KIF7: variants seen among roughly 807,000 people sequenced by gnomAD.
The protein encoded by KIF7 is kinesin family member 7.
In KIF7, 104 loss-of-function variants were observed where a neutral mutation model predicts 135.7. The ratio of observed to expected loss-of-function variants is 0.77; its 90% CI spans 0.65 to 0.90. KIF7 has a LOEUF of 0.90. KIF7 is among the 40% of genes least tolerant of loss of function. The probability of loss-of-function intolerance (pLI) is 0.00; values close to 1 mark genes in which losing one functional copy is unlikely to be tolerated. For missense variants in KIF7, 2,005 were observed against 1,839.1 expected (o/e 1.09, Z -1.65); for synonymous variants, 883 against 809.4 (o/e 1.09, Z -1.54).
intron 2 of KIF7, chr15:89,617,883 G>A (rs1262754272): frequency 2.9e-6 from 1 of 348,814 alleles, no homozygotes; most frequent in Non-Finnish European, 5.3e-6. Flanking sequence ...ATAGAGTCGG[G>A]GTTTCACCAT....
upstream of KIF7, among the ~76,000 whole-genome samples, chr15:89,659,022 A>G: frequency 6.6e-6 from 1 of 152,196 alleles, no homozygotes; most frequent in East Asian, 1.9e-4. Flanking sequence ...AAGGTTAAAA[A>G]CAAACAAAAA....
At chr15:89,639,077 T>G (rs908503159) in intron 11 of KIF7, among the ~76,000 whole-genome samples, 2 of 152,050 alleles carry the variant, frequency 1.3e-5, no homozygotes, top group Non-Finnish European at 2.9e-5. Flanking sequence ...CTGGGAAAAC[T>G]GGCTAGCCAT....
rs368873919 is a variant in KIF7, at chr15:89,645,072, C to T, written c.2132G>A (p.Arg711Gln). 1.3e-5 allele frequency: 21 copies of T among 1,605,274 alleles called. No individual in the cohort carries two copies. Among genetic ancestry groups the T allele is most frequent in the Middle Eastern group, 1.7e-4 (1 of 5,896 alleles). ...CATGCGGATGTTGATAGCCAGCTCC[C>T]GGATCTTCTGCTGGGCCTGGGCCAG... ...WRLAQAQQKI[R>Q]ELAINIRMKE... The change falls in exon 10 of 19, where the codon CGG becomes CAG. Residue 711 changes from arginine (R) to glutamine (Q), a missense_variant. Coordinates refer to ENST00000394412, the MANE Select transcript of KIF7 (RefSeq NM_198525.3).
intron 1 of KIF7, chr15:89,619,835 T>C: frequency 1.2e-6 from 2 of 1,611,170 alleles, no homozygotes; most frequent in Non-Finnish European, 1.7e-6. Context: ...TCCAGCAAGA[T>C]AAGTCAGGTA....
At chr15:89,649,406 C>T (rs908824742) in intron 3 of KIF7, 39 bp from the exon 4 acceptor site, 13 of 1,444,274 alleles carry the variant, frequency 9.0e-6, no homozygotes, top group Admixed American at 5.7e-5. Context: ...GGGCAGGGGC[C>T]GCCAGACTGA....
rs535349227 is a variant in KIF7 at position 89,631,202 on chromosome 15, G to A, written c.3111+293C>T. The A allele has an allele frequency of 6.3e-4, 272 of 434,294 alleles. 6 individuals are homozygous for A. The highest frequency in any genetic ancestry group is 6.0e-3 in the South Asian group (184 of 30,570). 26.9% of individuals were successfully genotyped at this position (434,294 alleles called of 1,614,324 possible). On this transcript the variant is annotated intron_variant, in intron 15 of 18. Coordinates refer to ENST00000394412, the MANE Select transcript of KIF7 (RefSeq NM_198525.3). ...CGCCTGACACTCCACACACGAAGCC[G>A]AGACGTGTGGGCAGGTACTCGAATG...
Position 89,629,505 on chromosome 15 carries a change from C to CT in KIF7, c.3386dup (p.Glu1130GlyfsTer48), listed in dbSNP as rs776505220. The CT allele has an allele frequency of 6.2e-7, 1 of 1,611,490 alleles. No individual in the cohort carries two copies. The highest frequency in any genetic ancestry group is 1.7e-5 in the Admixed American group (1 of 60,030). On this transcript the variant is annotated frameshift_variant, in exon 17 of 19. Coordinates refer to ENST00000394412, the MANE Select transcript of KIF7 (RefSeq NM_198525.3). LOFTEE classifies it high-confidence loss of function. ...GCCAGTACACCAGCCTCTGCTGCTC[C>CT]TCCAGCTGCATCTCCAGTTCCGAGA...
At chr15:89,624,536 G>A, downstream of KIF7, 3 of 1,613,820 alleles carry the variant, frequency 1.9e-6, no homozygotes, top group Non-Finnish European at 2.5e-6. Flanking sequence ...CCTGGGGTTG[G>A]CACAGCTGAC....
intron 3 of KIF7, 108 bp from the exon 4 acceptor site, chr15:89,649,475 GC>G: frequency 1.6e-6 from 2 of 1,288,372 alleles, no homozygotes; most frequent in South Asian, 3.2e-5. Flanking sequence ...CTGACCCACT[GC>G]TCCCTCCCCA....
rs567369526 is a variant in KIF7 at position 89,650,469 on chromosome 15, T to C, written c.329-528A>G. 1.5e-4 allele frequency among the ~76,000 whole-genome samples: 23 copies of C among 152,284 alleles called. No individual in the cohort carries two copies. In the South Asian group the frequency reaches 4.6e-3, roughly 30 times the overall value. On this transcript the variant is annotated intron_variant, in intron 2 of 18. Coordinates refer to ENST00000394412, the MANE Select transcript of KIF7 (RefSeq NM_198525.3). The stretch of plus-strand genomic sequence containing the variant: ...AGGGCAGTGGCGTGATCTCGGCTCA[T>C]TGCAACCTCCACCTTCCGGTTTCAA...
At chr15:89,627,656 A>T (rs1963558700), downstream of KIF7, 1 of 153,714 alleles carries the variant, frequency 6.5e-6, no homozygotes, top group African/African-American at 2.4e-5. Context: ...ACCATGGTCC[A>T]GCTTGAGTGG....
At chr15:89,629,809 C>A (rs1183783560) in intron 16 of KIF7, 3 of 602,910 alleles carry the variant, frequency 5.0e-6, no homozygotes, top group Non-Finnish European at 2.9e-6. Context: ...CCTTTCCTAG[C>A]CACACACTAT....
chr15:89,658,485 C>T (rs918340674), upstream of KIF7, among the ~76,000 whole-genome samples: 4 of 150,734 alleles, frequency 2.7e-5, no homozygotes, highest in African/African-American at 9.8e-5. Flanking sequence ...ACTAAAAATT[C>T]AGTTAGGAAA....
chr15:89,662,305 T>C, the KIF7 span, among the ~76,000 whole-genome samples: 1 of 151,934 alleles, frequency 6.6e-6, no homozygotes, highest in Non-Finnish European at 1.5e-5. Context: ...GAGACCAGCC[T>C]GGACAACATG....
chr15:89,633,022 G>C, intron 13 of KIF7, 26 bp from the exon 14 acceptor site: 1 of 1,592,066 alleles, frequency 6.3e-7, no homozygotes, highest in African/African-American at 1.3e-5. Flanking sequence ...GAGGGAGGGA[G>C]GGAACTCAGG....
chr15:89,627,134 T>C (rs773547660), downstream of KIF7: 9 of 1,607,282 alleles, frequency 5.6e-6, no homozygotes, highest in Non-Finnish European at 8.5e-7. Context: ...GCCAGGACCC[T>C]GTGGACATAA....
At position 89,631,498 on chromosome 15, in the gene KIF7, G is replaced by T. The variant is rs201713717; in HGVS notation, c.3108C>A (p.Pro1036=). 6.4e-7 allele frequency: 1 copy of T among 1,571,420 alleles called. No individual in the cohort carries two copies. Among genetic ancestry groups the T allele is most frequent in the South Asian group, 1.2e-5 (1 of 85,874 alleles). The change falls in exon 15 of 19, where the codon CCC becomes CCA. Residue 1036 remains proline, a synonymous_variant. Coordinates refer to ENST00000394412, the MANE Select transcript of KIF7 (RefSeq NM_198525.3). ...GAGCCATGGGGCCGCAGGGTACCTC[G>T]GGGGACAGCAGACTCCCCTGCCTCA... ...GKLRQGSLLS[P]EEERTLFQLD... is the part of the protein sequence containing the mutation.
At position 89,628,120 on chromosome 15, in the gene KIF7, C is replaced by A; in HGVS notation, c.*299G>T. The A allele has an allele frequency of 2.9e-6, 1 of 350,706 alleles. No homozygotes were observed. Among genetic ancestry groups the A allele is most frequent in the Non-Finnish European group, 5.1e-6 (1 of 194,826 alleles). The allele number at this position is 350,706 out of a possible 1,614,324, so 21.7% of individuals were successfully genotyped here. A position where few individuals can be genotyped will look rare whatever the true frequency, so the allele number is the denominator to read the frequency against. On this transcript the variant is annotated 3_prime_UTR_variant, in exon 19 of 19. Transcript: ENST00000394412. The stretch of plus-strand genomic sequence containing the variant: ...GATTCTTGGCCAAACCCCTGAACTA[C>A]AAGCACATCCATTTACGCCTGAAAC...
In KIF7 at chr15:89,642,389, G is replaced by T; in HGVS notation, c.2208C>A (p.Ala736=). ...TACGCTGGCTGTGCTGGCGGTTCAG[G>T]GCCTGAGCTGCCTTTCCTGGAAGAA... ...ELVRTGKAAQ[A]LNRQHSQRIR... is the part of the protein sequence containing the mutation. The change falls in exon 11 of 19, where the codon GCC becomes GCA. Residue 736 remains alanine (A), a synonymous_variant. Coordinates refer to ENST00000394412, the MANE Select transcript of KIF7 (RefSeq NM_198525.3). 1 of 1,602,310 alleles carries T rather than the reference G, an allele frequency of 6.2e-7. No homozygotes were observed.
Sources: gnomAD v4.1 joint callset for allele counts (sites outside exome capture counted in the v4.1 genomes callset) on GRCh38, gnomAD v4.1.1 for gene constraint, MANE v1.5 for transcripts, NCBI Gene and HGNC (gene_info 2026-07-23, HGNC 2026-07-21) for gene names.